Variants in CPAMD8 observed in about 807,000 individuals in gnomAD.
The protein encoded by CPAMD8 is C3 and PZP-like alpha-2-macroglobulin domain-containing protein 8.
CPAMD8 carries 146 observed loss-of-function variants against 224.7 expected under a neutral mutation model. The observed-to-expected ratio is 0.65, with a 90% CI of 0.57 to 0.75. CPAMD8 has a LOEUF of 0.75. Among genes scored for constraint, CPAMD8 ranks in the 30% least tolerant of loss-of-function variants. The probability of loss-of-function intolerance (pLI) is 0.00; values close to 1 mark genes in which losing one functional copy is unlikely to be tolerated. For synonymous variants in CPAMD8, 966 were observed against 1,044.6 expected, an observed-to-expected ratio of 0.92 and a Z score of 1.45; for missense variants, 2,301 against 2,537.5, an observed-to-expected ratio of 0.91 and a Z score of 2.00.
In CPAMD8 at chr19:16,914,887, C is replaced by T. The variant is rs1033507335; in HGVS notation, c.3630-74G>A. ...CCACATGCTGGCTGAGGGATTGCAG[C>T]AAGCTCCTGGCACCACCCCCGGCCT... On this transcript the variant is annotated intron_variant, in intron 27 of 41. Coordinates refer to ENST00000443236, the MANE Select transcript of CPAMD8 (RefSeq NM_015692.5). 7.0e-6 allele frequency: 8 copies of T among 1,145,670 alleles called. No homozygotes were observed. The African/African-American group carries it at 1.1e-4, about 16-fold the overall frequency. The allele number at this position is 1,145,670 out of a possible 1,614,324, so 71.0% of individuals were successfully genotyped here.
intron 13 of CPAMD8, among the ~76,000 whole-genome samples, chr19:16,988,426 C>T (rs1255550413): frequency 6.6e-6 from 1 of 152,146 alleles, no homozygotes; most frequent in Non-Finnish European, 1.5e-5. Context: ...GCCTGGCCAA[C>T]ATGGTGAAAC....
chr19:16,903,473 G>GGGGT, intron 34 of CPAMD8, 88 bp downstream of exon 34: 2 of 1,584,798 alleles, frequency 1.3e-6, no homozygotes, highest in Non-Finnish European at 1.7e-6. Flanking sequence ...GAACCCTCTG[G>GGGGT]GGGTCCCTGG....
chr19:16,992,391 A>T (rs1381048437), intron 12 of CPAMD8, among the ~76,000 whole-genome samples: 1 of 150,248 alleles, frequency 6.7e-6, no homozygotes, highest in East Asian at 2.1e-4. Flanking sequence ...GGAGTTTGAG[A>T]CCAGCCTGGG....
At chr19:17,020,547 A>G (rs994308643) in intron 2 of CPAMD8, among the ~76,000 whole-genome samples, 194 bp from the exon 3 acceptor site, 2 of 152,106 alleles carry the variant, frequency 1.3e-5, no homozygotes, top group African/African-American at 4.8e-5. Context: ...CCAAGCTGGC[A>G]CAAGCTGAAG....
At chr19:16,950,829 A>C (rs1227431398) in intron 20 of CPAMD8, among the ~76,000 whole-genome samples, 2 of 150,790 alleles carry the variant, frequency 1.3e-5, no homozygotes, top group African/African-American at 2.4e-5. Context: ...AAAGAGAGAG[A>C]AAGAAAGGCA....
chr19:16,952,232 C>A, intron 19 of CPAMD8, 32 bp from the exon 20 acceptor site: 2 of 1,297,142 alleles, frequency 1.5e-6, no homozygotes, highest in Non-Finnish European at 2.2e-6. Context: ...TGATGGGGGG[C>A]CCTTCTCCAG....
intron 7 of CPAMD8, among the ~76,000 whole-genome samples, chr19:17,007,602 G>A (rs1423773215): frequency 1.3e-5 from 2 of 152,070 alleles, no homozygotes; most frequent in Admixed American, 6.6e-5. Flanking sequence ...ACAGACCCCC[G>A]TGATCCTGCC....
chr19:17,017,991 T>C (rs1357026679), intron 3 of CPAMD8, among the ~76,000 whole-genome samples: 6 of 146,470 alleles, frequency 4.1e-5, no homozygotes, highest in Admixed American at 1.4e-4. Context: ...CAAGATTGCA[T>C]CACTGCACTC....
intron 11 of CPAMD8, among the ~76,000 whole-genome samples, chr19:16,995,151 T>C (rs955336948): frequency 6.6e-6 from 1 of 152,172 alleles, no homozygotes; most frequent in Non-Finnish European, 1.5e-5. Flanking sequence ...GTGCATGGGA[T>C]AGAGGTGGCT....
Position 16,904,283 on chromosome 19 carries a change from AGGCAGGGC to A in CPAMD8, c.4186_4193del (p.Ala1396CysfsTer30). 1 of 1,611,000 alleles carries A rather than the reference AGGCAGGGC, an allele frequency of 6.2e-7. No individual in the cohort carries two copies. Among genetic ancestry groups the A allele is most frequent in the Non-Finnish European group, 8.5e-7 (1 of 1,178,744 alleles). ...GCTGCTGGGACAGCCACTTCACCAC[AGGCAGGGC>A]GGCAGCCACGTCACCCAGCAGAGTG... On this transcript the variant is annotated frameshift_variant, in exon 32 of 42. Transcript: ENST00000443236. LOFTEE classifies it high-confidence loss of function.
Position 16,925,356 on chromosome 19 carries a change from T to C in CPAMD8, c.3387A>G (p.Pro1129=). 1 of 1,614,130 alleles carries C rather than the reference T, an allele frequency of 6.2e-7. No individual in the cohort carries two copies. Among genetic ancestry groups the C allele is most frequent in the Non-Finnish European group, 8.5e-7 (1 of 1,180,004 alleles). The change falls in exon 26 of 42, where the codon CCA becomes CCG. Residue 1129 remains proline (P), a synonymous_variant. Coordinates refer to ENST00000443236, the MANE Select transcript of CPAMD8 (RefSeq NM_015692.5). ...TASIIGDVMG[P]TLNHLNNLLR... is the part of the protein sequence containing the mutation. Reference sequence around the variant, plus strand: ...GGAGGTTGTTGAGGTGGTTCAGGGTTGGCCCCATGACGTCCCCTGGTGGGA... The same window carrying C: ...GGAGGTTGTTGAGGTGGTTCAGGGTCGGCCCCATGACGTCCCCTGGTGGGA...
At chr19:16,936,967 T>C (rs2053705950) in intron 23 of CPAMD8, among the ~76,000 whole-genome samples, 1 of 152,184 alleles carries the variant, frequency 6.6e-6, no homozygotes, top group South Asian at 2.1e-4. Context: ...GGCAGATCTT[T>C]TTTTCCCTCT....
rs769516450 is a variant in CPAMD8 at position 16,893,224 on chromosome 19, G to A, written c.5542C>T (p.Arg1848Trp). Reference protein sequence around the residue: ...QTPAPQRHSGRVVGAHRPGLL... With the variant: ...QTPAPQRHSGWVVGAHRPGLL... Reference sequence around the variant, plus strand: ...CCTGGCCTGTGGGCCCCCACCACCCGGCCACTATGTCTCTGAGGGGCCGGA... The same window carrying A: ...CCTGGCCTGTGGGCCCCCACCACCCAGCCACTATGTCTCTGAGGGGCCGGA... The change falls in exon 42 of 42, where the codon CGG becomes TGG. Residue 1848 changes from arginine (R) to tryptophan (W), a missense_variant. Arg to Trp is a moderately radical substitution (Grantham distance 101, BLOSUM62 -3). Coordinates refer to ENST00000443236, the MANE Select transcript of CPAMD8 (RefSeq NM_015692.5). 32 of 1,589,064 alleles carry A rather than the reference G, an allele frequency of 2.0e-5. No individual in the cohort carries two copies. In the East Asian group the frequency reaches 4.3e-4, roughly 22 times the overall value.
In CPAMD8 at chr19:16,903,694, A is replaced by G; in HGVS notation, c.4407+8T>C. Reference sequence around the variant, plus strand: ...CAACCCCCAAACCCTCATCCCAGGAACACGCACCGCTGCTGTCTGCAGAAC... The same window carrying G: ...CAACCCCCAAACCCTCATCCCAGGAGCACGCACCGCTGCTGTCTGCAGAAC... On this transcript the variant is annotated splice_region_variant and intron_variant, in intron 33 of 41. Transcript: ENST00000443236. 1 of 1,614,070 alleles carries G rather than the reference A, an allele frequency of 6.2e-7. No individual in the cohort carries two copies. The highest frequency in any genetic ancestry group is 8.5e-7 in the Non-Finnish European group (1 of 1,179,964).
chr19:16,901,044 A>C lies in CPAMD8; in HGVS notation c.4773+166T>G, dbSNP rs1194946134. ...AAAAAAAGAAAGAGAAACAGGGTAA[A>C]AGGGGAGGGGGAGGGGAAGGGGGAG... On this transcript the variant is annotated intron_variant, in intron 36 of 41. Coordinates refer to ENST00000443236, the MANE Select transcript of CPAMD8 (RefSeq NM_015692.5). Among the ~76,000 whole-genome samples, 3 of 136,600 alleles carry C rather than the reference A, an allele frequency of 2.2e-5. No individual in the cohort carries two copies. The East Asian group carries it at 7.5e-4, about 34-fold the overall frequency. The allele number at this position is 136,600 out of a possible 152,430, so 89.6% of individuals were successfully genotyped here.
chr19:17,022,690 G>C (rs1352328924), intron 1 of CPAMD8, among the ~76,000 whole-genome samples: 1 of 152,004 alleles, frequency 6.6e-6, no homozygotes, highest in Non-Finnish European at 1.5e-5. Context: ...GTAGAGGCAG[G>C]GTTTTGCCAT....
At chr19:16,949,528 C>T (rs1216808106) in intron 20 of CPAMD8, among the ~76,000 whole-genome samples, 1 of 152,164 alleles carries the variant, frequency 6.6e-6, no homozygotes, top group African/African-American at 2.4e-5. Context: ...AGTCTAACAT[C>T]TCCCATTTAC....
At chr19:16,953,748 T>C (rs2054374242) in intron 19 of CPAMD8, among the ~76,000 whole-genome samples, 2 of 151,198 alleles carry the variant, frequency 1.3e-5, no homozygotes, top group African/African-American at 2.4e-5. Flanking sequence ...GGAAATAATA[T>C]CCAGAATATA....
intron 32 of CPAMD8, 45 bp from the exon 33 acceptor site, chr19:16,903,902 G>T: frequency 6.3e-7 from 1 of 1,591,854 alleles, no homozygotes; most frequent in South Asian, 1.1e-5. Flanking sequence ...AGACTGAGTT[G>T]GCCAGTGGTC....
Sources: allele counts gnomAD v4.1 joint callset (sites outside exome capture counted in the v4.1 genomes callset), GRCh38; gene constraint gnomAD v4.1.1; transcripts MANE v1.5; gene names NCBI Gene and HGNC (gene_info 2026-07-23, HGNC 2026-07-21).